Variants in RIPOR3 observed in about 807,000 individuals in gnomAD.
The protein encoded by RIPOR3 is RIPOR family member 3.
Under a neutral mutation model 114.3 loss-of-function variants are expected in RIPOR3, and 95 were observed. The ratio of observed to expected loss-of-function variants is 0.83; its 90% CI spans 0.70 to 0.99. The LOEUF is 0.99. Among genes scored for constraint, RIPOR3 ranks in the 50% least tolerant of loss-of-function variants. The pLI is 0.00. For missense variants in RIPOR3, 1,252 were observed against 1,266.9 expected (o/e 0.99, Z 0.18); for synonymous variants, 575 against 543.8 (o/e 1.06, Z -0.80).
chr20:50,589,803 T>TGGTGATAGCCGC, intron 19 of RIPOR3, 34 bp from the exon 20 acceptor site: 1 of 1,592,532 alleles, frequency 6.3e-7, no homozygotes, highest in Non-Finnish European at 8.6e-7. Context: ...AATGGAGGGG[T>TGGTGATAGCCGC]AAGCAGAAGT....
intron 1 of RIPOR3, among the ~76,000 whole-genome samples, chr20:50,690,007 T>C (rs2087154584): frequency 6.6e-6 from 1 of 152,222 alleles, no homozygotes; most frequent in South Asian, 2.1e-4. Context: ...GCACCCTCCC[T>C]TTCCGTGCCA....
chr20:50,621,114 GC>G, intron 2 of RIPOR3: 1 of 145,356 alleles, frequency 6.9e-6, no homozygotes, highest in Non-Finnish European at 1.3e-5. Flanking sequence ...ATATAGAACA[GC>G]TTGACAAAAA....
chr20:50,641,119 C>G (rs1426423628), intron 1 of RIPOR3, among the ~76,000 whole-genome samples: 3 of 151,968 alleles, frequency 2.0e-5, no homozygotes, highest in Non-Finnish European at 4.4e-5. Context: ...CCATGTTGGT[C>G]AGGCTGGTCT....
At chr20:50,621,323 C>A (rs1416483207) in intron 2 of RIPOR3, among the ~76,000 whole-genome samples, 1 of 152,188 alleles carries the variant, frequency 6.6e-6, no homozygotes, top group African/African-American at 2.4e-5. Context: ...CAGCATCCAT[C>A]CCCTCCCTCT....
chr20:50,605,310 G>T (rs942821336), intron 11 of RIPOR3, among the ~76,000 whole-genome samples: 5 of 151,944 alleles, frequency 3.3e-5, no homozygotes, highest in Non-Finnish European at 7.4e-5. Flanking sequence ...TATTTACAGG[G>T]GAGGAAAGGA....
intron 1 of RIPOR3, among the ~76,000 whole-genome samples, chr20:50,632,347 A>G (rs1337947036): frequency 2.6e-5 from 4 of 152,206 alleles, no homozygotes; most frequent in African/African-American, 9.6e-5. Context: ...GACCAAGGAA[A>G]GCATGTCCCG....
At position 50,630,802 on chromosome 20, in the gene RIPOR3, C is replaced by T. The variant is rs145744332; in HGVS notation, c.58G>A (p.Val20Met). ...GAGGCGCTCCGGCCCACGACCCCCA[C>T]GGCCCCTGTGTCCCCAGGGGACAGG... Reference protein sequence around the residue: ...RFLSPGDTGAVGVVGRSASFA... With the variant: ...RFLSPGDTGAMGVVGRSASFA... Residue 20 changes from valine (V) to methionine (M), a missense_variant, in exon 2 of 22, where the codon GTG becomes ATG. By Grantham distance (21) the Val-to-Met change is conservative. Transcript: ENST00000327979. 2.1e-4 allele frequency: 333 copies of T among 1,612,060 alleles called. 1 individual carries two copies. The highest frequency in any genetic ancestry group is 2.8e-4 in the Admixed American group (17 of 59,876).
intron 1 of RIPOR3, among the ~76,000 whole-genome samples, chr20:50,643,945 C>T (rs1305791542): frequency 6.6e-6 from 1 of 151,846 alleles, no homozygotes; most frequent in Admixed American, 6.6e-5. Context: ...GATCTCCTGA[C>T]CTCGTGATCC....
At chr20:50,623,372 C>T (rs1261373791) in intron 2 of RIPOR3, among the ~76,000 whole-genome samples, 6 of 151,942 alleles carry the variant, frequency 3.9e-5, no homozygotes, top group Non-Finnish European at 8.8e-5. Flanking sequence ...GAACAGAGAA[C>T]CTGGCCCCTG....
Position 50,586,529 on chromosome 20 carries a change from C to G in RIPOR3, c.*703G>C, listed in dbSNP as rs565930553. 1 of 152,732 alleles carries G rather than the reference C, an allele frequency of 6.5e-6. No homozygotes were observed. Among genetic ancestry groups the G allele is most frequent in the African/African-American group, 2.4e-5 (1 of 41,440 alleles). 9.5% of individuals were successfully genotyped at this position (152,732 alleles called of 1,614,324 possible). On this transcript the variant is annotated 3_prime_UTR_variant, in exon 22 of 22. Coordinates refer to ENST00000327979, the MANE Select transcript of RIPOR3 (RefSeq NM_001290268.2). ...GAGTGGCCCTACTGCCTGTGCTGCTCAGGGCTCCTGGGCTGATGTGGTGGC... is the reference window on the plus strand; with the variant it reads ...GAGTGGCCCTACTGCCTGTGCTGCTGAGGGCTCCTGGGCTGATGTGGTGGC...
At chr20:50,595,131 G>C (rs1414989520) in intron 16 of RIPOR3, 2 of 571,600 alleles carry the variant, frequency 3.5e-6, no homozygotes, top group Non-Finnish European at 6.2e-6. Context: ...GAGGCTCAGA[G>C]ATGTGAATCA....
chr20:50,652,758 G>A (rs1313875099), intron 1 of RIPOR3, among the ~76,000 whole-genome samples: 1 of 152,140 alleles, frequency 6.6e-6, no homozygotes, highest in East Asian at 1.9e-4. Flanking sequence ...GCACATACAC[G>A]AGGGCGGTCG....
rs554510680 is a variant in RIPOR3, at chr20:50,626,550, G to A, written c.122+4188C>T. Among the ~76,000 whole-genome samples the A allele has an allele frequency of 3.3e-5, 5 of 152,340 alleles. 1 individual carries two copies. In the East Asian group the frequency reaches 7.7e-4, roughly 24 times the overall value. ...GGCCAACGAGAGGCAGAGGCCTACC[G>A]TGGGGGCACTCTCTGGGCAGAGCTC... On this transcript the variant is annotated intron_variant, in intron 2 of 21. Transcript: ENST00000327979.
chr20:50,610,735 T>C (rs148687038), intron 6 of RIPOR3, 118 bp downstream of exon 6: 1 of 1,367,952 alleles, frequency 7.3e-7, no homozygotes, highest in Non-Finnish European at 1.0e-6. Context: ...AGCTGCCCCA[T>C]ACCCAGAGGC....
intron 11 of RIPOR3, 130 bp downstream of exon 11, chr20:50,608,259 C>T: frequency 4.6e-6 from 6 of 1,297,640 alleles, no homozygotes; most frequent in Non-Finnish European, 6.3e-6. Context: ...GAGTGAGGGA[C>T]AGATGAGGAC....
intron 13 of RIPOR3, among the ~76,000 whole-genome samples, chr20:50,600,674 C>T (rs1449614024): frequency 6.6e-6 from 1 of 152,112 alleles, no homozygotes; most frequent in East Asian, 1.9e-4. Flanking sequence ...GGGGGAGGAT[C>T]GTGTGATCCC....
intron 6 of RIPOR3, 62 bp from the exon 7 acceptor site, chr20:50,609,784 G>T: frequency 7.4e-7 from 1 of 1,352,600 alleles, no homozygotes. Context: ...ACACCTGCCT[G>T]TCGACTTCTC....
intron 13 of RIPOR3, among the ~76,000 whole-genome samples, chr20:50,600,844 A>G (rs2083468498): frequency 6.6e-6 from 1 of 152,240 alleles, no homozygotes; most frequent in South Asian, 2.1e-4. Flanking sequence ...GGTCCTTTTT[A>G]ACAACCATAG....
chr20:50,597,663 C>G lies in RIPOR3; in HGVS notation c.1707G>C (p.Glu569Asp). The change falls in exon 14 of 22, where the codon GAG becomes GAC. Residue 569 changes from glutamate (E) to aspartate (D), a missense_variant. Physicochemically the swap from Glu to Asp is conservative, Grantham distance 45. Coordinates refer to ENST00000327979, the MANE Select transcript of RIPOR3 (RefSeq NM_001290268.2). ...QEHTSAESLMECILESFAFLN... is the reference protein window; with the variant it reads ...QEHTSAESLMDCILESFAFLN... ...GGAAGGCGAAGCTCTCCAGGATGCACTCCATCAGGCTCTCGGCCGAGGTGT... is the reference window on the plus strand; with the variant it reads ...GGAAGGCGAAGCTCTCCAGGATGCAGTCCATCAGGCTCTCGGCCGAGGTGT... 6.2e-7 allele frequency: 1 copy of G among 1,612,288 alleles called. No homozygotes were observed. The highest frequency in any genetic ancestry group is 8.5e-7 in the Non-Finnish European group (1 of 1,179,242).
Sources: allele counts gnomAD v4.1 joint callset (sites outside exome capture counted in the v4.1 genomes callset), GRCh38; gene constraint gnomAD v4.1.1; transcripts MANE v1.5; gene names NCBI Gene and HGNC (gene_info 2026-07-23, HGNC 2026-07-21).